The following CLTCL1 variants were observed in gnomAD, a reference collection of about 807,000 sequenced individuals.
CLTCL1 encodes clathrin heavy chain like 1.
Under a neutral mutation model 190.0 loss-of-function variants are expected in CLTCL1, and 159 were observed. That is an observed-to-expected ratio of 0.84 (90% CI 0.74 to 0.95). The LOEUF (loss-of-function observed/expected upper bound fraction) is 0.95. CLTCL1 is among the 40% of genes least tolerant of loss of function. The pLI is 0.00. For synonymous variants in CLTCL1, 752 were observed against 769.6 expected (o/e 0.98, Z 0.38); for missense variants, 1,878 against 2,033.4 (o/e 0.92, Z 1.47).
At chr22:19,235,989 G>A (rs1035500443) in intron 5 of CLTCL1, 120 bp from the exon 6 acceptor site, 54 of 899,774 alleles carry the variant, frequency 6.0e-5, no homozygotes, top group South Asian at 2.6e-4. Flanking sequence ...AGATAGGGTC[G>A]TGCTCTGTCA....
intron 1 of CLTCL1, 40 bp downstream of exon 1, chr22:19,291,558 GGC>G: frequency 7.5e-7 from 1 of 1,330,100 alleles, no homozygotes. Flanking sequence ...GCCCGGCGGA[GGC>G]GCGGCTGACA....
intron 22 of CLTCL1, among the ~76,000 whole-genome samples, chr22:19,202,456 C>A (rs1555940352): frequency 3.3e-5 from 5 of 151,704 alleles, no homozygotes; most frequent in Admixed American, 6.6e-5. Flanking sequence ...CACGGCACCT[C>A]CCGCACCACC....
intron 1 of CLTCL1, among the ~76,000 whole-genome samples, chr22:19,286,977 G>C (rs570500195): frequency 6.6e-6 from 1 of 152,132 alleles, no homozygotes; most frequent in African/African-American, 2.4e-5. Context: ...ACATGTTTAC[G>C]TTTTCTGTGT....
intron 12 of CLTCL1, 56 bp downstream of exon 12, chr22:19,226,163 T>A: frequency 6.4e-7 from 1 of 1,569,016 alleles, no homozygotes; most frequent in Admixed American, 1.8e-5. Flanking sequence ...GGGGAGCATG[T>A]GACATTAATT....
rs1469276016 is a variant in CLTCL1 at position 19,187,617 on chromosome 22, T to C, written c.4546A>G (p.Lys1516Glu). The change falls in exon 29 of 33, where the codon AAG (lysine) becomes GAG (glutamate). Residue 1516 changes from lysine (K) to glutamate (E), a missense_variant. Physicochemically the swap from Lys to Glu is moderately conservative, Grantham distance 56. Coordinates refer to ENST00000427926, the MANE Select transcript of CLTCL1 (RefSeq NM_007098.4). ...EFRCIAAYLY[K>E]GNNWWAQSVE... The stretch of plus-strand genomic sequence containing the variant: ...CTCTGGGCCCACCAGTTATTGCCCT[T>C]GTACAGATAGGCCGCAATGCACCTG... 1 of 1,613,582 alleles carries C rather than the reference T, an allele frequency of 6.2e-7. No individual in the cohort carries two copies. Among genetic ancestry groups the C allele is most frequent in the Non-Finnish European group, 8.5e-7 (1 of 1,179,890 alleles).
chr22:19,185,735 T>C (rs1555928039), intron 29 of CLTCL1, among the ~76,000 whole-genome samples: 1 of 152,348 alleles, frequency 6.6e-6, no homozygotes, highest in Admixed American at 6.5e-5. Context: ...GCAGCACTGA[T>C]GGCCCTGCTC....
At position 19,201,323 on chromosome 22, in the gene CLTCL1, G is replaced by T; in HGVS notation, c.3765+6C>A. 1 of 1,607,110 alleles carries T rather than the reference G, an allele frequency of 6.2e-7. No individual in the cohort carries two copies. On this transcript the variant is annotated splice_donor_region_variant and intron_variant, in intron 23 of 32. Coordinates refer to ENST00000427926, the MANE Select transcript of CLTCL1 (RefSeq NM_007098.4). ...ACTCTGCCGTCTGCAGTTGCCCGCA[G>T]CTCACCTCCTTCCACGTCCGGGTGC...
At chr22:19,189,290 A>G (rs941440195) in intron 27 of CLTCL1, among the ~76,000 whole-genome samples, 8 of 152,236 alleles carry the variant, frequency 5.3e-5, no homozygotes, top group Non-Finnish European at 1.0e-4. Context: ...CTTGTGTTGC[A>G]TAAAACAAAA....
At chr22:19,210,286 G>T in intron 20 of CLTCL1, 40 bp downstream of exon 20, 1 of 1,593,032 alleles carries the variant, frequency 6.3e-7, no homozygotes. Context: ...TGATGTGGCA[G>T]AAGGTGCTAG....
Position 19,180,787 on chromosome 22 carries a change from A to G in CLTCL1, c.4847T>C (p.Leu1616Ser), listed in dbSNP as rs1473547767. 1.9e-6 allele frequency: 3 copies of G among 1,613,654 alleles called. No individual in the cohort carries two copies. Among genetic ancestry groups the G allele is most frequent in the African/African-American group, 2.7e-5 (2 of 74,932 alleles). Residue 1616 changes from leucine (L) to serine (S), a missense_variant, in exon 31 of 33, where the codon TTG (leucine) becomes TCG (serine). Transcript: ENST00000427926. ...CTCCTCTTGCTTGCGCAGACTCTCCAAGGCATCCAGTTTGTCCACCTGCAA... is the reference window on the plus strand; with the variant it reads ...CTCCTCTTGCTTGCGCAGACTCTCCGAGGCATCCAGTTTGTCCACCTGCAA... ...YLSKVDKLDALESLRKQEEHV... is the reference protein window; with the variant it reads ...YLSKVDKLDASESLRKQEEHV...
chr22:19,248,254 G>A (rs2086483009), intron 3 of CLTCL1, among the ~76,000 whole-genome samples: 1 of 151,828 alleles, frequency 6.6e-6, no homozygotes, highest in South Asian at 2.1e-4. Context: ...CCAAGACCAT[G>A]CCACTGCACT....
At chr22:19,180,140 G>T in intron 32 of CLTCL1, 59 bp downstream of exon 32, 1 of 1,465,718 alleles carries the variant, frequency 6.8e-7, no homozygotes, top group Non-Finnish European at 9.5e-7. Context: ...GGAGCGTGGG[G>T]TCAGCCAGAG....
chr22:19,228,836 C>T (rs2085834926), intron 11 of CLTCL1, among the ~76,000 whole-genome samples: 1 of 152,118 alleles, frequency 6.6e-6, no homozygotes, highest in African/African-American at 2.4e-5. Context: ...TACCTGCTCC[C>T]ACAAGTTTCA....
At chr22:19,280,502 C>A (rs1430194699) in intron 1 of CLTCL1, among the ~76,000 whole-genome samples, 1 of 151,906 alleles carries the variant, frequency 6.6e-6, no homozygotes, top group Non-Finnish European at 1.5e-5. Flanking sequence ...CATGAATGAA[C>A]CTTGAGGTCA....
chr22:19,238,062 A>AT (rs143722192), intron 5 of CLTCL1, among the ~76,000 whole-genome samples: 1,957 of 152,102 alleles, frequency 0.013, 32 homozygotes, highest in African/African-American at 0.045. Context: ...AAATTGTAAG[A>AT]TTTTTTATTT....
In CLTCL1 at chr22:19,201,444, A is replaced by G; in HGVS notation, c.3650T>C (p.Leu1217Pro). Residue 1217 changes from leucine to proline, a missense_variant, in exon 23 of 33, where the codon CTC becomes CCC. Coordinates refer to ENST00000427926, the MANE Select transcript of CLTCL1 (RefSeq NM_007098.4). The stretch of plus-strand genomic sequence containing the variant: ...GGCAAAGTTAGAAACATTGCTATAG[A>G]GCAGCTTGGCAGCCTCGTACATTCC... ...EEGMYEAAKLLYSNVSNFARL... is the reference protein window; with the variant it reads ...EEGMYEAAKLPYSNVSNFARL... 1 of 1,613,896 alleles carries G rather than the reference A, an allele frequency of 6.2e-7. No individual in the cohort carries two copies. Among genetic ancestry groups the G allele is most frequent in the Non-Finnish European group, 8.5e-7 (1 of 1,179,808 alleles).
intron 7 of CLTCL1, among the ~76,000 whole-genome samples, chr22:19,234,100 T>G (rs1289921732): frequency 6.6e-6 from 1 of 152,218 alleles, no homozygotes; most frequent in Admixed American, 6.5e-5. Context: ...AAAAGCCATA[T>G]GCCGAAATGC....
chr22:19,242,959 G>A, intron 3 of CLTCL1, 23 bp from the exon 4 acceptor site: 2 of 1,590,138 alleles, frequency 1.3e-6, no homozygotes, highest in Non-Finnish European at 1.7e-6. Context: ...ATTATGCAAT[G>A]AAAGGGAGAG....
intron 4 of CLTCL1, among the ~76,000 whole-genome samples, chr22:19,240,939 G>A (rs1164509613): frequency 2.6e-5 from 4 of 152,240 alleles, no homozygotes; most frequent in Non-Finnish European, 5.9e-5. Context: ...CACATGTGGA[G>A]ACAGCTGGCC....
Sources: allele counts gnomAD v4.1 joint callset (sites outside exome capture counted in the v4.1 genomes callset), GRCh38; gene constraint gnomAD v4.1.1; transcripts MANE v1.5; gene names NCBI Gene and HGNC (gene_info 2026-07-23, HGNC 2026-07-21).